The following GRM5 variants were observed in gnomAD, a reference collection of about 807,000 sequenced individuals.
GRM5 encodes metabotropic glutamate receptor 5.
A neutral mutation model predicts 83.1 loss-of-function variants in GRM5; 19 were observed. The observed-to-expected ratio is 0.23, with a 90% confidence interval of 0.16 to 0.34. GRM5 has a LOEUF of 0.34. Ranked by LOEUF, GRM5 falls within the 10% of genes least tolerant of loss-of-function variation. The pLI, the probability that GRM5 is intolerant of heterozygous loss-of-function variation, is 1.00. For synonymous variants in GRM5, 675 were observed against 633.6 expected (o/e 1.07, Z -0.98); for missense variants, 1,160 against 1,588.3 (o/e 0.73, Z 4.58).
chr11:88,649,766 T>G, intron 4 of GRM5, among the ~76,000 whole-genome samples: 1 of 151,588 alleles, frequency 6.6e-6, no homozygotes, highest in East Asian at 1.9e-4. Flanking sequence ...AAATATACAC[T>G]AATACAACTT....
At chr11:88,541,231 T>A (rs986838916) in intron 8 of GRM5, among the ~76,000 whole-genome samples, 17 of 152,180 alleles carry the variant, frequency 1.1e-4, no homozygotes, top group African/African-American at 4.1e-4. Context: ...GAAAGTGAGA[T>A]TACTTTAATT....
intron 3 of GRM5, among the ~76,000 whole-genome samples, chr11:88,806,328 T>C (rs1943498666): frequency 6.6e-6 from 1 of 152,206 alleles, no homozygotes; most frequent in African/African-American, 2.4e-5. Flanking sequence ...TTCTCAATCA[T>C]TTATTTGCAA....
chr11:88,771,550 C>T (rs537340661), intron 3 of GRM5, among the ~76,000 whole-genome samples: 1 of 152,214 alleles, frequency 6.6e-6, no homozygotes, highest in African/African-American at 2.4e-5. Context: ...AAGCAAGCTT[C>T]TCCCACCTTC....
chr11:88,837,541 G>A (rs1217152555), intron 3 of GRM5, among the ~76,000 whole-genome samples: 1 of 152,046 alleles, frequency 6.6e-6, no homozygotes, highest in African/African-American at 2.4e-5. Flanking sequence ...ACAAATGTTC[G>A]CAGTGTAATC....
intron 4 of GRM5, among the ~76,000 whole-genome samples, chr11:88,608,775 C>A (rs982783725): frequency 6.6e-6 from 1 of 152,112 alleles, no homozygotes; most frequent in Non-Finnish European, 1.5e-5. Flanking sequence ...CCCCACTTGG[C>A]CTCCCAAAGT....
intron 7 of GRM5, among the ~76,000 whole-genome samples, chr11:88,581,209 C>A (rs1202074315): frequency 2.6e-5 from 4 of 152,190 alleles, no homozygotes; most frequent in Non-Finnish European, 1.5e-5. Context: ...ATCCATCTAT[C>A]TCTCTATTCA....
At chr11:88,771,530 A>G (rs535597934) in intron 3 of GRM5, among the ~76,000 whole-genome samples, 1 of 152,226 alleles carries the variant, frequency 6.6e-6, no homozygotes, top group South Asian at 2.1e-4. Flanking sequence ...GATGAAAGCC[A>G]GAAGACAGCA....
intron 2 of GRM5, among the ~76,000 whole-genome samples, chr11:88,991,023 C>A (rs1271725135): frequency 6.6e-6 from 1 of 152,056 alleles, no homozygotes; most frequent in Non-Finnish European, 1.5e-5. Flanking sequence ...GGCAATTAGG[C>A]AGGAGAAGGA....
At chr11:88,865,433 GTAAT>G (rs1944645416) in intron 2 of GRM5, among the ~76,000 whole-genome samples, 1 of 152,056 alleles carries the variant, frequency 6.6e-6, no homozygotes, top group Non-Finnish European at 1.5e-5. Context: ...AGACTTAAAA[GTAAT>G]ACCTAAAACC....
intron 3 of GRM5, among the ~76,000 whole-genome samples, chr11:88,747,773 C>A (rs1298265644): frequency 6.6e-6 from 1 of 151,328 alleles, no homozygotes; most frequent in African/African-American, 2.4e-5. Context: ...ATAGAAATAC[C>A]ATTTTAATAG....
intron 4 of GRM5, among the ~76,000 whole-genome samples, chr11:88,621,517 G>A (rs1480693467): frequency 5.9e-5 from 9 of 152,106 alleles, no homozygotes; most frequent in Non-Finnish European, 1.5e-5. Context: ...ACATATGGAA[G>A]TTATGACCCC....
chr11:88,591,464 G>C (rs558359947), intron 6 of GRM5, among the ~76,000 whole-genome samples: 68 of 152,188 alleles, frequency 4.5e-4, no homozygotes, highest in African/African-American at 1.6e-3. Flanking sequence ...TTATTCTTTC[G>C]AAATAGATGT....
chr11:88,757,216 C>T (rs547894691), intron 3 of GRM5, among the ~76,000 whole-genome samples: 1 of 152,152 alleles, frequency 6.6e-6, no homozygotes, highest in African/African-American at 2.4e-5. Flanking sequence ...TTTGAAAGTT[C>T]GGGAGATACA....
At chr11:88,917,466 G>A (rs1945614858) in intron 2 of GRM5, among the ~76,000 whole-genome samples, 1 of 152,090 alleles carries the variant, frequency 6.6e-6, no homozygotes, top group Non-Finnish European at 1.5e-5. Context: ...AGACCATCTA[G>A]GAAAACATGA....
At chr11:88,521,687 C>G (rs1941694670) in intron 9 of GRM5, among the ~76,000 whole-genome samples, 1 of 151,870 alleles carries the variant, frequency 6.6e-6, no homozygotes, top group African/African-American at 2.4e-5. Context: ...GAAAAGATGA[C>G]AAGTTATACT....
At chr11:88,731,396 A>G (rs1941804462) in intron 3 of GRM5, among the ~76,000 whole-genome samples, 1 of 151,932 alleles carries the variant, frequency 6.6e-6, no homozygotes, top group South Asian at 2.1e-4. Flanking sequence ...CTTTGGATAC[A>G]CCTTAGACCT....
chr11:88,805,040 C>G (rs1221060314), intron 3 of GRM5, among the ~76,000 whole-genome samples: 1 of 152,168 alleles, frequency 6.6e-6, no homozygotes, highest in Non-Finnish European at 1.5e-5. Context: ...TTTGTACAGA[C>G]TATTTCCTGT....
rs1393068880 is a variant in GRM5 at position 88,719,021 on chromosome 11, C to A, written c.912-65618G>T. Among the ~76,000 whole-genome samples, 5 of 151,984 alleles carry A rather than the reference C, an allele frequency of 3.3e-5. No individual in the cohort carries two copies. The East Asian group carries it at 9.7e-4, about 29-fold the overall frequency. ...TTGTCAAACAAACACTATTCCCCTTCCCTCTTATATTTTTCTCCTTAACAT... is the reference window on the plus strand; with the variant it reads ...TTGTCAAACAAACACTATTCCCCTTACCTCTTATATTTTTCTCCTTAACAT... On this transcript the variant is annotated intron_variant, in intron 3 of 9. Coordinates refer to ENST00000305447, the MANE Select transcript of GRM5 (RefSeq NM_001143831.3).
intron 4 of GRM5, among the ~76,000 whole-genome samples, chr11:88,616,931 G>A (rs1276436059): frequency 1.3e-5 from 2 of 152,140 alleles, no homozygotes; most frequent in Non-Finnish European, 2.9e-5. Context: ...CCTCACAGAT[G>A]TAGCCCTTGT....
Sources: gnomAD v4.1 joint callset for allele counts (sites outside exome capture counted in the v4.1 genomes callset) on GRCh38, gnomAD v4.1.1 for gene constraint, MANE v1.5 for transcripts, NCBI Gene and HGNC (gene_info 2026-07-23, HGNC 2026-07-21) for gene names.